Variants in SEMA3A observed in about 807,000 individuals in gnomAD.
SEMA3A encodes semaphorin-3A.
A neutral mutation model predicts 97.9 loss-of-function variants in SEMA3A; 29 were observed. That is an observed-to-expected ratio of 0.30 (90% CI 0.22 to 0.40). The LOEUF (loss-of-function observed/expected upper bound fraction) is 0.40, where lower values mean the gene tolerates loss of function less well. Among genes scored for constraint, SEMA3A ranks in the 10% least tolerant of loss-of-function variants. SEMA3A has a pLI of 1.00. For missense variants in SEMA3A, 763 were observed against 951.3 expected (o/e 0.80, Z 2.60); for synonymous variants, 321 against 323.7 (o/e 0.99, Z 0.09).
At chr7:84,242,478 C>G (rs992248283) in intron 3 of SEMA3A, among the ~76,000 whole-genome samples, 1 of 152,096 alleles carries the variant, frequency 6.6e-6, no homozygotes, top group Admixed American at 6.6e-5. Flanking sequence ...GATTTTGTAT[C>G]CTGAGACTTT....
At chr7:84,143,947 TCTAACA>T (rs1260616263) in intron 1 of SEMA3A, among the ~76,000 whole-genome samples, 13 of 73,354 alleles carry the variant, frequency 1.8e-4, no homozygotes, top group East Asian at 4.6e-4. Flanking sequence ...TCTCTCTCTC[TCTAACA>T]CACACACACA....
intron 3 of SEMA3A, among the ~76,000 whole-genome samples, chr7:84,260,394 GC>G (rs969159972): frequency 1.3e-5 from 2 of 152,056 alleles, no homozygotes; most frequent in Non-Finnish European, 2.9e-5. Context: ...ACAGGCGAGA[GC>G]CCCACCCGCC....
At chr7:84,201,711 T>C (rs1191835082) in intron 3 of SEMA3A, among the ~76,000 whole-genome samples, 3 of 152,154 alleles carry the variant, frequency 2.0e-5, no homozygotes, top group African/African-American at 7.2e-5. Context: ...TGAAAATCAA[T>C]CAACATAAAT....
Position 84,487,762 on chromosome 7 carries a change from G to A in SEMA3A, c.-246+4698C>T, listed in dbSNP as rs189725497. Reference sequence around the variant, plus strand: ...CTGTCACCACAGATTAATTTTTCCAGGATCTTGAGATTACTTTTTAAAAAT... The same window carrying A: ...CTGTCACCACAGATTAATTTTTCCAAGATCTTGAGATTACTTTTTAAAAAT... On this transcript the variant is annotated intron_variant, in intron 1 of 3. Coordinates refer to the SEMA3A transcript ENST00000424555. 8.4e-4 allele frequency among the ~76,000 whole-genome samples: 127 copies of A among 151,956 alleles called. 1 individual carries two copies. Among genetic ancestry groups the A allele is most frequent in the Middle Eastern group, 3.4e-3 (1 of 292 alleles).
At chr7:84,001,066 CGT>C (rs1790424411) in intron 12 of SEMA3A, among the ~76,000 whole-genome samples, 1 of 111,262 alleles carries the variant, frequency 9.0e-6, no homozygotes, top group African/African-American at 3.7e-5. Flanking sequence ...TCTTCTAATA[CGT>C]GTTTTTTTTT....
chr7:84,393,956 A>G (rs1210485316), intron 1 of SEMA3A, among the ~76,000 whole-genome samples: 1 of 152,160 alleles, frequency 6.6e-6, no homozygotes, highest in African/African-American at 2.4e-5. Flanking sequence ...ATGTTGCCCA[A>G]TTCTGGCCAA....
chr7:84,455,031 C>G (rs1307634532), intron 1 of SEMA3A, among the ~76,000 whole-genome samples: 1 of 151,790 alleles, frequency 6.6e-6, no homozygotes, highest in East Asian at 1.9e-4. Context: ...ATTGGTAGGT[C>G]AATAGTTCTC....
intron 5 of SEMA3A, among the ~76,000 whole-genome samples, chr7:84,053,816 T>A (rs1470005095): frequency 1.6e-5 from 2 of 126,678 alleles, no homozygotes; most frequent in African/African-American, 5.2e-5. Flanking sequence ...CTCAATGGTC[T>A]TTACATTTTG....
At chr7:84,061,047 T>C (rs995963168) in intron 4 of SEMA3A, among the ~76,000 whole-genome samples, 1 of 152,214 alleles carries the variant, frequency 6.6e-6, no homozygotes, top group Non-Finnish European at 1.5e-5. Context: ...TCAAATTTAT[T>C]TTCCCCACTA....
intron 3 of SEMA3A, among the ~76,000 whole-genome samples, chr7:84,123,340 G>T (rs1318534382): frequency 1.3e-5 from 2 of 152,018 alleles, no homozygotes; most frequent in East Asian, 1.9e-4. Context: ...CCTATCCAGG[G>T]TCTCTGTCCA....
chr7:84,326,182 T>G (rs1328178416), intron 2 of SEMA3A, among the ~76,000 whole-genome samples: 1 of 152,172 alleles, frequency 6.6e-6, no homozygotes, highest in African/African-American at 2.4e-5. Flanking sequence ...GAGCTGCCTG[T>G]GCAAGCATGG....
chr7:84,262,645 A>G lies in SEMA3A; in HGVS notation c.-83+44562T>C, dbSNP rs111687515. ...TAAGGAAATCTATATCCATATTCATATCTACTTCTATATCTGTAAACTTAT... is the reference window on the plus strand; with the variant it reads ...TAAGGAAATCTATATCCATATTCATGTCTACTTCTATATCTGTAAACTTAT... On this transcript the variant is annotated intron_variant, in intron 3 of 3. Transcript: ENST00000424555. 3.9e-5 allele frequency among the ~76,000 whole-genome samples: 6 copies of G among 152,364 alleles called. 1 individual carries two copies. The highest frequency in any genetic ancestry group is 1.4e-4 in the African/African-American group (6 of 41,596).
intron 3 of SEMA3A, among the ~76,000 whole-genome samples, chr7:84,241,479 A>C (rs950306667): frequency 2.0e-5 from 3 of 151,906 alleles, no homozygotes; most frequent in Admixed American, 6.6e-5. Context: ...AAATTTGTTT[A>C]AGTTCCTTGT....
chr7:84,430,962 A>G (rs1446530554), intron 1 of SEMA3A, among the ~76,000 whole-genome samples: 1 of 152,040 alleles, frequency 6.6e-6, no homozygotes, highest in Non-Finnish European at 1.5e-5. Context: ...ATTGAGAGGA[A>G]GGTACACAGA....
At chr7:83,967,899 T>G (rs1254026787) in intron 15 of SEMA3A, among the ~76,000 whole-genome samples, 1 of 152,220 alleles carries the variant, frequency 6.6e-6, no homozygotes, top group Non-Finnish European at 1.5e-5. Context: ...GGTAATTACC[T>G]TATCCATCAC....
At chr7:84,215,296 C>T (rs567404467) in intron 3 of SEMA3A, among the ~76,000 whole-genome samples, 13 of 151,902 alleles carry the variant, frequency 8.6e-5, no homozygotes, top group African/African-American at 2.9e-4. Context: ...AGCAATTCTC[C>T]TGCCTCAGCC....
At chr7:83,977,350 T>C (rs961852923) in intron 14 of SEMA3A, among the ~76,000 whole-genome samples, 154 bp from the exon 15 acceptor site, 2 of 152,044 alleles carry the variant, frequency 1.3e-5, no homozygotes, top group African/African-American at 4.8e-5. Flanking sequence ...CTAAAAGATT[T>C]TTTTAAAAAA....
chr7:84,411,175 C>T (rs1218843771), intron 1 of SEMA3A, among the ~76,000 whole-genome samples: 4 of 151,992 alleles, frequency 2.6e-5, no homozygotes, highest in Non-Finnish European at 4.4e-5. Flanking sequence ...ATTCTTCTCC[C>T]ACCCTGTAAT....
intron 1 of SEMA3A, among the ~76,000 whole-genome samples, chr7:84,434,935 T>A (rs183503933): frequency 1.3e-5 from 2 of 152,236 alleles, no homozygotes; most frequent in Admixed American, 6.5e-5. Flanking sequence ...ACATTCCCCT[T>A]GAGAAGTGGA....
Sources: gnomAD v4.1 joint callset for allele counts (sites outside exome capture counted in the v4.1 genomes callset) on GRCh38, gnomAD v4.1.1 for gene constraint, MANE v1.5 for transcripts, NCBI Gene and HGNC (gene_info 2026-07-23, HGNC 2026-07-21) for gene names.